The following GLIPR1L1 variants were observed in gnomAD, a reference collection of about 807,000 sequenced individuals.
GLIPR1L1 encodes GLIPR1 like 1.
GLIPR1L1 carries 26 observed loss-of-function variants against 29.9 expected under a neutral mutation model. The observed-to-expected ratio is 0.87, with a 90% confidence interval of 0.64 to 1.21. The LOEUF (loss-of-function observed/expected upper bound fraction) is 1.21, where lower values mean the gene tolerates loss of function less well. Ranked by LOEUF, GLIPR1L1 falls within the 50% of genes most tolerant of loss-of-function variation. The pLI is 0.00. For missense variants in GLIPR1L1, 305 were observed against 290.3 expected (o/e 1.05, Z -0.37); for synonymous variants, 77 against 97.5 (o/e 0.79, Z 1.24).
chr12:75,341,516 G>A (rs759745846), intron 1 of GLIPR1L1, among the ~76,000 whole-genome samples: 1 of 151,818 alleles, frequency 6.6e-6, no homozygotes, highest in Non-Finnish European at 1.5e-5. Flanking sequence ...GCGCTGTCTC[G>A]GCTCACTGCA....
intron 1 of GLIPR1L1, among the ~76,000 whole-genome samples, chr12:75,337,427 A>C (rs2041812499): frequency 6.6e-6 from 1 of 151,940 alleles, no homozygotes; most frequent in African/African-American, 2.4e-5. Flanking sequence ...AAAAAACTCC[A>C]CACATTAAAT....
intron 4 of GLIPR1L1, chr12:75,367,043 CA>C: frequency 1.4e-6 from 1 of 700,440 alleles, no homozygotes; most frequent in Non-Finnish European, 2.6e-6. Context: ...CTAAAAATGA[CA>C]GTTTAAGTTT....
intron 4 of GLIPR1L1, among the ~76,000 whole-genome samples, chr12:75,367,335 A>G (rs1343764992): frequency 1.3e-5 from 2 of 151,718 alleles, no homozygotes; most frequent in Non-Finnish European, 2.9e-5. Context: ...TAAAACACAA[A>G]CATATTGTAT....
intron 1 of GLIPR1L1, among the ~76,000 whole-genome samples, chr12:75,338,956 A>C (rs972931658): frequency 6.6e-6 from 1 of 152,200 alleles, no homozygotes; most frequent in African/African-American, 2.4e-5. Context: ...GCTGCATAGT[A>C]TTCCATGGTG....
In GLIPR1L1 at chr12:75,343,774, T is replaced by A. The variant is rs560648029; in HGVS notation, c.256T>A (p.Ser86Thr). The A allele has an allele frequency of 4.3e-6, 7 of 1,613,076 alleles. No individual in the cohort carries two copies. In the East Asian group the frequency reaches 1.6e-4, roughly 36 times the overall value. Reference protein sequence around the residue: ...KFEHNDCLDKSYKCYAAFEYV... With the variant: ...KFEHNDCLDKTYKCYAAFEYV... ...TGAACATAATGACTGTTTGGATAAA[T>A]CATATAAATGCTATGCAGCTTTTGA... The change falls in exon 2 of 6, where the codon TCA becomes ACA. Residue 86 changes from serine to threonine, a missense_variant. Physicochemically the swap from Ser to Thr is moderately conservative, Grantham distance 58. Transcript: ENST00000378695.
chr12:75,355,997 G>A (rs968910571), intron 3 of GLIPR1L1, among the ~76,000 whole-genome samples: 1 of 152,114 alleles, frequency 6.6e-6, no homozygotes, highest in African/African-American at 2.4e-5. Flanking sequence ...TGGGGAGAGG[G>A]AGAGCATCAG....
In GLIPR1L1 at chr12:75,343,032, T is replaced by C. The variant is rs1009002837; in HGVS notation, c.175-661T>C. 3.3e-5 allele frequency among the ~76,000 whole-genome samples: 5 copies of C among 151,972 alleles called. No individual in the cohort carries two copies. In the South Asian group the frequency reaches 6.2e-4, roughly 19 times the overall value. Reference sequence around the variant, plus strand: ...TTATTTTTATAGTATTGTTTATGTATTAATTTAAATTTTTATGTATCCAGT... The same window carrying C: ...TTATTTTTATAGTATTGTTTATGTACTAATTTAAATTTTTATGTATCCAGT... On this transcript the variant is annotated intron_variant, in intron 1 of 5. Coordinates refer to ENST00000378695, the MANE Select transcript of GLIPR1L1 (RefSeq NM_001304964.2).
chr12:75,350,148 G>A (rs116452812), intron 3 of GLIPR1L1, among the ~76,000 whole-genome samples: 5 of 152,328 alleles, frequency 3.3e-5, no homozygotes, highest in South Asian at 4.1e-4. Flanking sequence ...TTCTTTAAGC[G>A]AGACCCTGAC....
intron 3 of GLIPR1L1, 30 bp from the exon 4 acceptor site, chr12:75,363,072 T>G (rs766291308): frequency 3.3e-6 from 4 of 1,195,222 alleles, no homozygotes; most frequent in Non-Finnish European, 4.8e-6. Flanking sequence ...TAACAGCCAT[T>G]TGGCTAATCA....
At chr12:75,368,189 G>A (rs961943182) in intron 4 of GLIPR1L1, among the ~76,000 whole-genome samples, 3 of 151,522 alleles carry the variant, frequency 2.0e-5, no homozygotes, top group African/African-American at 4.8e-5. Context: ...TTTCATTCTC[G>A]TGATAAATCC....
At chr12:75,340,461 T>G (rs926373448) in intron 1 of GLIPR1L1, among the ~76,000 whole-genome samples, 2 of 151,642 alleles carry the variant, frequency 1.3e-5, no homozygotes, top group Non-Finnish European at 2.9e-5. Context: ...TAAATTTAAA[T>G]AAAACTATTA....
In GLIPR1L1 at chr12:75,359,168, C is replaced by T. The variant is rs1358484662; in HGVS notation, c.522-3934C>T. On this transcript the variant is annotated intron_variant, in intron 3 of 5. Coordinates refer to ENST00000378695, the MANE Select transcript of GLIPR1L1 (RefSeq NM_001304964.2). The stretch of plus-strand genomic sequence containing the variant: ...ACATGTCTGTATACTAACACTTAAC[C>T]AGAAATTGAATGAAAATAACATCAT... 2.7e-5 allele frequency among the ~76,000 whole-genome samples: 4 copies of T among 150,212 alleles called. No individual in the cohort carries two copies. In the East Asian group the frequency reaches 7.8e-4, roughly 29 times the overall value.
intron 1 of GLIPR1L1, among the ~76,000 whole-genome samples, chr12:75,335,925 T>C (rs1004671452): frequency 2.4e-4 from 37 of 151,972 alleles, no homozygotes; most frequent in Non-Finnish European, 1.8e-4. Context: ...AAATGTATGA[T>C]AAAAAAGAGT....
chr12:75,338,041 A>G (rs35933860), intron 1 of GLIPR1L1, among the ~76,000 whole-genome samples: 9,007 of 152,186 alleles, frequency 0.059, 271 homozygotes, highest in African/African-American at 0.08. Context: ...GTGAATTCTA[A>G]GAGAAAAGCA....
rs751660895 is a variant in GLIPR1L1 at position 75,343,981 on chromosome 12, T to G, written c.420+43T>G. The G allele has an allele frequency of 1.4e-5, 21 of 1,479,032 alleles. No individual in the cohort carries two copies. In the Middle Eastern group the frequency reaches 7.1e-4, roughly 50 times the overall value. The allele number at this position is 1,479,032 out of a possible 1,614,324, so 91.6% of individuals were successfully genotyped here. On this transcript the variant is annotated intron_variant, in intron 2 of 5. Transcript: ENST00000378695. ...TTATTGATTAGTTCTTATTTGTGCA[T>G]ATTTTAATTGCCAGAATTTATTTCT... is the stretch of plus-strand genomic sequence containing the variant.
In GLIPR1L1 at chr12:75,354,592, AACTCAT is replaced by A. The variant is rs2043029930; in HGVS notation, c.521+6871_521+6876del. Among the ~76,000 whole-genome samples the A allele has an allele frequency of 3.3e-5, 5 of 152,130 alleles. No homozygotes were observed. The South Asian group carries it at 1.0e-3, about 31-fold the overall frequency. ...TACAGATTCAATGCTATTCCCATTAAACTCATTGACATTCTTCACAGAATTAGAAAA... is the reference window on the plus strand; with the variant it reads ...TACAGATTCAATGCTATTCCCATTAATGACATTCTTCACAGAATTAGAAAA... On this transcript the variant is annotated intron_variant, in intron 3 of 5. Coordinates refer to ENST00000378695, the MANE Select transcript of GLIPR1L1 (RefSeq NM_001304964.2).
chr12:75,344,701 C>A (rs2042334860), intron 2 of GLIPR1L1, among the ~76,000 whole-genome samples: 1 of 152,032 alleles, frequency 6.6e-6, no homozygotes, highest in East Asian at 1.9e-4. Flanking sequence ...GTACATTTTG[C>A]CTTGTTGAGT....
intron 3 of GLIPR1L1, chr12:75,360,833 G>GATAT (rs2043532571): frequency 6.6e-6 from 1 of 152,142 alleles, no homozygotes; most frequent in African/African-American, 2.4e-5. Context: ...TGCCCCTGTA[G>GATAT]CAGACTTCTG....
At chr12:75,364,772 T>C (rs1220967663) in intron 4 of GLIPR1L1, 1 of 152,212 alleles carries the variant, frequency 6.6e-6, no homozygotes, top group Non-Finnish European at 1.5e-5. Flanking sequence ...GCCACATTTC[T>C]TTTTGTTGTC....
Sources: gnomAD v4.1 joint callset for allele counts (sites outside exome capture counted in the v4.1 genomes callset) on GRCh38, gnomAD v4.1.1 for gene constraint, MANE v1.5 for transcripts, NCBI Gene and HGNC (gene_info 2026-07-23, HGNC 2026-07-21) for gene names.